Variants in SLC24A2 observed in about 807,000 individuals in gnomAD.
SLC24A2 encodes solute carrier family 24 member 2.
A neutral mutation model predicts 62.0 loss-of-function variants in SLC24A2; 36 were observed. The observed-to-expected ratio is 0.58, with a 90% CI of 0.44 to 0.77. The LOEUF is 0.77. Ranked by LOEUF, SLC24A2 falls within the 30% of genes least tolerant of loss-of-function variation. The pLI is 0.00. For synonymous variants in SLC24A2, 358 were observed against 294.0 expected (o/e 1.22, Z -2.23); for missense variants, 846 against 817.9 (o/e 1.03, Z -0.42).
At chr9:20,191,145 A>T in the SLC24A2 span, among the ~76,000 whole-genome samples, 3 of 139,646 alleles carry the variant, frequency 2.1e-5, no homozygotes, top group African/African-American at 8.3e-5. Context: ...AGGTGTAATC[A>T]CCATGTTTTC....
chr9:20,253,289 G>C, the SLC24A2 span, among the ~76,000 whole-genome samples: 1 of 152,142 alleles, frequency 6.6e-6, no homozygotes, highest in Non-Finnish European at 1.5e-5. Flanking sequence ...CTCCAGCCCA[G>C]CATACTTTCC....
the SLC24A2 span, among the ~76,000 whole-genome samples, chr9:19,889,609 T>C: frequency 6.6e-6 from 1 of 152,164 alleles, no homozygotes; most frequent in East Asian, 1.9e-4. Context: ...CGTTCCTCCT[T>C]CAACCCAGGA....
chr9:20,015,036 A>G, the SLC24A2 span, among the ~76,000 whole-genome samples: 1 of 152,220 alleles, frequency 6.6e-6, no homozygotes, highest in African/African-American at 2.4e-5. Flanking sequence ...TATTGATAAT[A>G]TGTTTTAAAA....
chr9:19,704,301 G>C (rs949793069), intron 2 of SLC24A2, among the ~76,000 whole-genome samples: 4 of 152,082 alleles, frequency 2.6e-5, no homozygotes, highest in South Asian at 2.1e-4. Flanking sequence ...AAATGAAATA[G>C]GGTGATTTCA....
the SLC24A2 span, among the ~76,000 whole-genome samples, chr9:19,972,442 T>C: frequency 0.45 from 68,188 of 151,960 alleles, 16,209 homozygotes; most frequent in Non-Finnish European, 0.54. Context: ...TTTGTAAGCT[T>C]TTCACATACA....
the SLC24A2 span, among the ~76,000 whole-genome samples, chr9:19,996,606 C>T: frequency 2.4e-4 from 36 of 152,008 alleles, no homozygotes; most frequent in African/African-American, 8.4e-4. Context: ...GCCAGGCATG[C>T]TGGCAGGTGC....
chr9:19,511,455 TTA>T lies in SLC24A2; in HGVS notation c.*4696_*4697del, dbSNP rs1292902417. 1 of 152,198 alleles carries T rather than the reference TTA, an allele frequency of 6.6e-6. No individual in the cohort carries two copies. Among genetic ancestry groups the T allele is most frequent in the African/African-American group, 2.4e-5 (1 of 41,446 alleles). The allele number at this position is 152,198 out of a possible 1,614,324, so 9.4% of individuals were successfully genotyped here. ...ACATAGCCTGATATTTGTTACTGTT[TTA>T]AACTACATAGGGATATATTTCCACG... On this transcript the variant is annotated 3_prime_UTR_variant, in exon 11 of 11. Coordinates refer to ENST00000341998, the MANE Select transcript of SLC24A2 (RefSeq NM_020344.4).
At chr9:19,885,552 T>C in the SLC24A2 span, among the ~76,000 whole-genome samples, 8 of 152,230 alleles carry the variant, frequency 5.3e-5, no homozygotes. Flanking sequence ...GCAGCTTGTA[T>C]GTGGTGTAGT....
At chr9:19,769,228 T>A (rs1252997557) in intron 2 of SLC24A2, among the ~76,000 whole-genome samples, 1 of 152,218 alleles carries the variant, frequency 6.6e-6, no homozygotes, top group Non-Finnish European at 1.5e-5. Flanking sequence ...GATTTCTCTC[T>A]TTTTATCCTT....
the SLC24A2 span, among the ~76,000 whole-genome samples, chr9:20,223,111 T>G: frequency 6.6e-6 from 1 of 152,002 alleles, no homozygotes; most frequent in Admixed American, 6.6e-5. Context: ...AATAACCACA[T>G]GGAAATGTAA....
At chr9:19,526,473 T>C (rs1029331324) in intron 9 of SLC24A2, among the ~76,000 whole-genome samples, 1 of 152,232 alleles carries the variant, frequency 6.6e-6, no homozygotes, top group African/African-American at 2.4e-5. Flanking sequence ...ATCAGCAGTA[T>C]GTAAGGATTC....
At chr9:20,228,774 T>C in the SLC24A2 span, among the ~76,000 whole-genome samples, 18,157 of 151,968 alleles carry the variant, frequency 0.12, 2,374 homozygotes, top group East Asian at 0.62. Flanking sequence ...GCTCAAAGTA[T>C]GTGGAAAAGG....
chr9:19,917,023 G>T, the SLC24A2 span, among the ~76,000 whole-genome samples: 1 of 47,708 alleles, frequency 2.1e-5, no homozygotes, highest in Non-Finnish European at 4.7e-5. Flanking sequence ...TTTAATTTTG[G>T]TAATTAAATA....
chr9:20,208,216 G>C, the SLC24A2 span, among the ~76,000 whole-genome samples: 1 of 152,220 alleles, frequency 6.6e-6, no homozygotes, highest in African/African-American at 2.4e-5. Context: ...AAAATGCTGA[G>C]ACGAGCATTC....
chr9:19,887,093 C>A, the SLC24A2 span, among the ~76,000 whole-genome samples: 1 of 152,094 alleles, frequency 6.6e-6, no homozygotes, highest in Admixed American at 6.6e-5. Context: ...ATAGCTGATG[C>A]GTGCTGCGCT....
chr9:19,669,192 G>GA (rs1468177849), intron 2 of SLC24A2, among the ~76,000 whole-genome samples: 2 of 152,136 alleles, frequency 1.3e-5, no homozygotes, highest in African/African-American at 2.4e-5. Context: ...ACCAGGAGAA[G>GA]AAAAAGAGAA....
In SLC24A2 at chr9:19,508,492, T is replaced by A. The variant is rs1056972627; in HGVS notation, c.*7661A>T. 6.6e-6 allele frequency: 1 copy of A among 152,202 alleles called. No individual in the cohort carries two copies. The highest frequency in any genetic ancestry group is 2.4e-5 in the African/African-American group (1 of 41,464). 9.4% of individuals were successfully genotyped at this position (152,202 alleles called of 1,614,324 possible). A position where few individuals can be genotyped will look rare whatever the true frequency, so the allele number is the denominator to read the frequency against. ...TTAAGTGCTTTTTAGTAATTACTTT[T>A]ACTCAAATTACATAAAAGGGCTGGG... On this transcript the variant is annotated 3_prime_UTR_variant, in exon 11 of 11. Coordinates refer to ENST00000341998, the MANE Select transcript of SLC24A2 (RefSeq NM_020344.4).
rs1170288373 is a variant in SLC24A2, at chr9:19,550,230, G to A, written c.1386C>T (p.Ala462=). The A allele has an allele frequency of 1.2e-6, 2 of 1,614,038 alleles. No homozygotes were observed. Among genetic ancestry groups the A allele is most frequent in the Non-Finnish European group, 1.7e-6 (2 of 1,179,994 alleles). The change falls in exon 8 of 11, where the codon GCC becomes GCT. Residue 462 remains alanine (A), a synonymous_variant. Coordinates refer to ENST00000341998, the MANE Select transcript of SLC24A2 (RefSeq NM_020344.4). ...DEEEDQPLSL[A]WPSETRKQVT... ...CTTGCTTGCGGGTTTCAGAAGGCCA[G>A]GCAAGGCTGAGAGGCTGGTCCTCCT...
At chr9:20,073,667 G>C in the SLC24A2 span, among the ~76,000 whole-genome samples, 47 of 151,704 alleles carry the variant, frequency 3.1e-4, no homozygotes, top group Non-Finnish European at 6.2e-4. Context: ...ACTTCCACAG[G>C]ACTCGTTAAA....
Sources: gnomAD v4.1 joint callset for allele counts (sites outside exome capture counted in the v4.1 genomes callset) on GRCh38, gnomAD v4.1.1 for gene constraint, MANE v1.5 for transcripts, NCBI Gene and HGNC (gene_info 2026-07-23, HGNC 2026-07-21) for gene names.